ALMS1: variants seen among roughly 807,000 people sequenced by gnomAD.
The protein encoded by ALMS1 is centrosome-associated protein ALMS1.
A neutral mutation model predicts 352.2 loss-of-function variants in ALMS1; 271 were observed. That is an observed-to-expected ratio of 0.77 (90% CI 0.70 to 0.85). ALMS1 has a LOEUF of 0.85. ALMS1 is among the 40% of genes least tolerant of loss of function. The pLI is 0.00. For missense variants in ALMS1, 5,445 were observed against 4,870.7 expected (o/e 1.12, Z -3.51); for synonymous variants, 1,865 against 1,761.2 (o/e 1.06, Z -1.48).
Position 73,452,940 on chromosome 2 carries a change from T to C in ALMS1, c.6413T>C (p.Leu2138Pro). 1 of 1,613,330 alleles carries C rather than the reference T, an allele frequency of 6.2e-7. No homozygotes were observed. The highest frequency in any genetic ancestry group is 1.1e-5 in the South Asian group (1 of 91,022). Residue 2138 changes from leucine to proline, a missense_variant, in exon 8 of 23, where the codon CTT (leucine) becomes CCT (proline). Leu to Pro is a moderately conservative substitution (Grantham distance 98). Transcript: ENST00000613296. ...AGQKTVLPTA[L>P]PSSFSHREKP... ...CAGAAAACAGTATTACCAACAGCTC[T>C]TCCTAGTTCCTTTTCACATCGAGAG...
chr2:73,595,670 A>G (rs1029179581), intron 16 of ALMS1, among the ~76,000 whole-genome samples: 4 of 152,236 alleles, frequency 2.6e-5, no homozygotes, highest in African/African-American at 9.6e-5. Context: ...TTGGTAGGTC[A>G]TATGATAGGT....
chr2:73,609,634 G>T lies in ALMS1; in HGVS notation c.*22G>T. The T allele has an allele frequency of 1.9e-6, 3 of 1,612,180 alleles. No homozygotes were observed. Among genetic ancestry groups the T allele is most frequent in the Non-Finnish European group, 2.5e-6 (3 of 1,178,218 alleles). ...CTGACACAAGTTTATTTTCCTCAGA[G>T]CCTTGGAATTCTATTTTATGAACCT... On this transcript the variant is annotated 3_prime_UTR_variant, in exon 23 of 23. Coordinates refer to ENST00000613296, the MANE Select transcript of ALMS1 (RefSeq NM_001378454.1).
chr2:73,557,031 T>G (rs1674560102), intron 13 of ALMS1, among the ~76,000 whole-genome samples, 189 bp from the exon 14 acceptor site: 1 of 152,194 alleles, frequency 6.6e-6, no homozygotes, highest in Non-Finnish European at 1.5e-5. Context: ...AAACTGTTGT[T>G]GTACACAGTA....
intron 16 of ALMS1, among the ~76,000 whole-genome samples, chr2:73,593,561 A>C (rs1300686839): frequency 6.6e-6 from 1 of 152,226 alleles, no homozygotes; most frequent in Non-Finnish European, 1.5e-5. Context: ...ACAATAAATA[A>C]GTGCATTTTA....
Position 73,450,853 on chromosome 2 carries a change from C to A in ALMS1, c.4326C>A (p.Val1442=). 7 of 1,614,112 alleles carry A rather than the reference C, an allele frequency of 4.3e-6. No individual in the cohort carries two copies. Among genetic ancestry groups the A allele is most frequent in the Non-Finnish European group, 5.9e-6 (7 of 1,179,988 alleles). ...AGCCTGGTAGTTTCTACCAACAGGT[C>A]TTGCCACATAGTCATCTACCTGAAG... ...TEKPGSFYQQ[V]LPHSHLPEEA... The change falls in exon 8 of 23, where the codon GTC becomes GTA. Residue 1442 remains valine (V), a synonymous_variant. Coordinates refer to ENST00000613296, the MANE Select transcript of ALMS1 (RefSeq NM_001378454.1).
At position 73,460,710 on chromosome 2, in the gene ALMS1, G is replaced by A. The variant is rs563361786; in HGVS notation, c.7674+5415G>A. ...CTAGTCAAAGAAAGGGGTGACAGAC[G>A]GCACCTGGAAAATCGCATCACTCCC... is the stretch of plus-strand genomic sequence containing the variant. On this transcript the variant is annotated intron_variant, in intron 9 of 22. Transcript: ENST00000613296. 3.2e-3 allele frequency among the ~76,000 whole-genome samples: 495 copies of A among 152,320 alleles called. 2 individuals carry two copies. Among genetic ancestry groups the A allele is most frequent in the Non-Finnish European group, 5.3e-3 (361 of 68,016 alleles).
intron 7 of ALMS1, among the ~76,000 whole-genome samples, chr2:73,432,666 A>G (rs1193146904): frequency 6.6e-6 from 1 of 152,082 alleles, no homozygotes; most frequent in Non-Finnish European, 1.5e-5. Flanking sequence ...CTAATCCCAA[A>G]CATGTGGCCT....
rs750630583 is a variant in ALMS1 at position 73,419,455 on chromosome 2, T to TTTTG, written c.646+153_646+156dup. 7.4e-5 allele frequency: 59 copies of TTTTG among 794,594 alleles called. No homozygotes were observed. The East Asian group carries it at 8.4e-4, about 11-fold the overall frequency. 49.2% of individuals were successfully genotyped at this position (794,594 alleles called of 1,614,324 possible). A position where few individuals can be genotyped will look rare whatever the true frequency, so the allele number is the denominator to read the frequency against. ...ACTCAGAGGGATTAGCTTATTTCTG[T>TTTTG]TTTGTTTGTTTGTTTGTTTTTTACT... On this transcript the variant is annotated intron_variant, in intron 3 of 22. Transcript: ENST00000613296.
intron 16 of ALMS1, among the ~76,000 whole-genome samples, chr2:73,575,974 C>T (rs1436354188): frequency 6.6e-6 from 1 of 151,934 alleles, no homozygotes; most frequent in East Asian, 1.9e-4. Context: ...GGTCTTTGAT[C>T]CATTTTGAGT....
chr2:73,391,617 TAATC>T (rs1452524824), intron 1 of ALMS1, among the ~76,000 whole-genome samples: 2 of 152,184 alleles, frequency 1.3e-5, no homozygotes, highest in Non-Finnish European at 2.9e-5. Flanking sequence ...TTCTTAATAT[TAATC>T]CTGTTTTGTG....
chr2:73,561,854 GAAGAT>G (rs1221591960), intron 15 of ALMS1, among the ~76,000 whole-genome samples: 1 of 151,936 alleles, frequency 6.6e-6, no homozygotes, highest in Non-Finnish European at 1.5e-5. Flanking sequence ...GCATACTCTA[GAAGAT>G]AAGAAAAATT....
intron 1 of ALMS1, among the ~76,000 whole-genome samples, chr2:73,394,494 T>C (rs1670714321): frequency 6.6e-6 from 1 of 152,092 alleles, no homozygotes; most frequent in African/African-American, 2.4e-5. Context: ...GGATTACAGA[T>C]GCACACCACC....
At chr2:73,428,440 A>G (rs1468842223) in intron 6 of ALMS1, among the ~76,000 whole-genome samples, 1 of 152,132 alleles carries the variant, frequency 6.6e-6, no homozygotes, top group Non-Finnish European at 1.5e-5. Context: ...TGGCAAGAGT[A>G]GAGGTTTTGA....
Position 73,491,536 on chromosome 2 carries a change from T to A in ALMS1, c.9539+38T>A, listed in dbSNP as rs201981777. 2.2e-5 allele frequency: 35 copies of A among 1,604,598 alleles called. No individual in the cohort carries two copies. In the African/African-American group the frequency reaches 4.4e-4, roughly 20 times the overall value. On this transcript the variant is annotated intron_variant, in intron 10 of 22. Transcript: ENST00000613296. ...GTGATAACAAGCAAGCTGGATGGAC[T>A]TTGTAATAAAGGGTTTCAAATACTT...
At chr2:73,429,051 T>A (rs1354569920) in intron 6 of ALMS1, among the ~76,000 whole-genome samples, 3 of 152,164 alleles carry the variant, frequency 2.0e-5, no homozygotes, top group Admixed American at 2.0e-4. Flanking sequence ...AGCAAATGAC[T>A]TCGGAGGATC....
At chr2:73,543,467 A>G (rs1163415355) in intron 12 of ALMS1, among the ~76,000 whole-genome samples, 5 of 152,208 alleles carry the variant, frequency 3.3e-5, no homozygotes, top group East Asian at 1.9e-4. Flanking sequence ...CAAGGACTTC[A>G]TGTCTAAAAC....
intron 10 of ALMS1, among the ~76,000 whole-genome samples, chr2:73,505,664 T>C (rs1305792308): frequency 6.6e-6 from 1 of 152,050 alleles, no homozygotes. Context: ...TGCTGAGGAG[T>C]GTTTTACTTC....
Position 73,450,412 on chromosome 2 carries a change from T to C in ALMS1, c.3885T>C (p.Ile1295=). The C allele has an allele frequency of 6.2e-7, 1 of 1,613,066 alleles. No individual in the cohort carries two copies. The highest frequency in any genetic ancestry group is 8.5e-7 in the Non-Finnish European group (1 of 1,179,838). ...SYSQYREKPS[I]FYQQSLPSSH... ...CACAATATAGAGAGAAGCCCAGCAT[T>C]TTCTACCAACAGTCGTTGCCAAGTA... The change falls in exon 8 of 23, where the codon ATT becomes ATC. Residue 1295 remains isoleucine (I), a synonymous_variant. Coordinates refer to ENST00000613296, the MANE Select transcript of ALMS1 (RefSeq NM_001378454.1).
intron 10 of ALMS1, among the ~76,000 whole-genome samples, chr2:73,513,401 A>T (rs968492631): frequency 6.6e-6 from 1 of 152,096 alleles, no homozygotes; most frequent in Non-Finnish European, 1.5e-5. Context: ...GACACCTCAC[A>T]TTGGTCTCCC....
Sources: allele counts gnomAD v4.1 joint callset (sites outside exome capture counted in the v4.1 genomes callset), GRCh38; gene constraint gnomAD v4.1.1; transcripts MANE v1.5; gene names NCBI Gene and HGNC (gene_info 2026-07-23, HGNC 2026-07-21).